HEPACAM2: variants seen among roughly 807,000 people sequenced by gnomAD.
HEPACAM2 encodes the protein HEPACAM family member 2, also known as mitotic kinetics regulator.
In HEPACAM2, 49 loss-of-function variants were observed where a neutral mutation model predicts 49.6. The observed-to-expected ratio is 0.99, with a 90% CI of 0.78 to 1.25. The LOEUF is 1.25. HEPACAM2 is among the 50% of genes most tolerant of loss of function. HEPACAM2 has a pLI of 0.00. For missense variants in HEPACAM2, 525 were observed against 557.2 expected (o/e 0.94, Z 0.58); for synonymous variants, 197 against 202.9 (o/e 0.97, Z 0.25).
chr7:93,199,563 A>T (rs752172164), intron 4 of HEPACAM2, among the ~76,000 whole-genome samples: 1 of 152,084 alleles, frequency 6.6e-6, no homozygotes, highest in Non-Finnish European at 1.5e-5. Flanking sequence ...TCACATTAGT[A>T]TAATGAGGAG....
chr7:93,208,419 A>G (rs2116681216), intron 4 of HEPACAM2, among the ~76,000 whole-genome samples, 161 bp downstream of exon 4: 1 of 152,096 alleles, frequency 6.6e-6, no homozygotes, highest in Non-Finnish European at 1.5e-5. Context: ...TCTTTGAGTC[A>G]TAGAAACCAT....
chr7:93,215,359 A>G, intron 3 of HEPACAM2, 42 bp downstream of exon 3: 1 of 1,564,608 alleles, frequency 6.4e-7, no homozygotes, highest in Non-Finnish European at 8.7e-7. Context: ...TTCTCAGAAA[A>G]CAACAAAAAA....
intron 3 of HEPACAM2, among the ~76,000 whole-genome samples, chr7:93,209,800 C>T (rs17708881): frequency 0.014 from 2,198 of 151,910 alleles, 28 homozygotes; most frequent in Non-Finnish European, 0.02. Flanking sequence ...CTAGGGTAGG[C>T]CATGTAAATA....
upstream of HEPACAM2, among the ~76,000 whole-genome samples, chr7:93,230,181 A>G (rs1794597932): frequency 1.3e-5 from 2 of 152,204 alleles, no homozygotes; most frequent in East Asian, 3.8e-4. Context: ...TACACATATT[A>G]GATAAAAAAA....
rs542170264 is a variant in HEPACAM2, at chr7:93,197,256, C to G, written c.1186G>C (p.Ala396Pro). ...EGRPETEYRK[A>P]QTFSGHEDAL... ...TGGCCATTACCTGAAAATGTTTGAG[C>G]TTTCCTGTATTCTGTTTCTGGCCTG... Residue 396 changes from alanine (A) to proline (P), a missense_variant, in exon 7 of 10, where the codon GCT (alanine) becomes CCT (proline). Ala to Pro is a conservative substitution (Grantham distance 27). Coordinates refer to ENST00000394468, the MANE Select transcript of HEPACAM2 (RefSeq NM_001039372.4). 6 of 1,610,188 alleles carry G rather than the reference C, an allele frequency of 3.7e-6. No homozygotes were observed. The African/African-American group carries it at 6.7e-5, about 18-fold the overall frequency.
chr7:93,215,427 C>T lies in HEPACAM2; in HGVS notation c.689G>A (p.Ser230Asn). Reference sequence around the variant, plus strand: ...ATATATGATGGGCATAATGATATCACTTTCCATTTCACTGACAGGGTTCCT... The same window carrying T: ...ATATATGATGGGCATAATGATATCATTTTCCATTTCACTGACAGGGTTCCT... ...LVRNPVSEME[S>N]DIIMPIIYYG... Residue 230 changes from serine to asparagine, a missense_variant, in exon 3 of 10, where the codon AGT becomes AAT. Coordinates refer to ENST00000394468, the MANE Select transcript of HEPACAM2 (RefSeq NM_001039372.4). 1 of 1,613,662 alleles carries T rather than the reference C, an allele frequency of 6.2e-7. No homozygotes were observed. Among genetic ancestry groups the T allele is most frequent in the Non-Finnish European group, 8.5e-7 (1 of 1,179,736 alleles).
intron 4 of HEPACAM2, among the ~76,000 whole-genome samples, chr7:93,202,044 A>AAAAAAAAAAAAAACCAAAAAAAAAAC (rs1793906221): frequency 6.8e-6 from 1 of 147,770 alleles, no homozygotes; most frequent in Non-Finnish European, 1.5e-5. Context: ...AAAAAAAAAA[A>AAAAAAAAAAAAAACCAAAAAAAAAAC]AAAAACCACA....
chr7:93,219,536 G>A, intron 1 of HEPACAM2, 85 bp from the exon 2 acceptor site: 1 of 1,575,274 alleles, frequency 6.3e-7, no homozygotes, highest in Non-Finnish European at 8.6e-7. Context: ...ACCTGATCAG[G>A]TGATAATCCT....
intron 7 of HEPACAM2, 83 bp downstream of exon 7, chr7:93,197,158 A>G: frequency 2.2e-6 from 2 of 899,402 alleles, no homozygotes; most frequent in Non-Finnish European, 3.0e-6. Context: ...TAATTATATT[A>G]CATTAATAAT....
rs1399823311 is a variant in HEPACAM2, at chr7:93,195,877, A to C, written c.1226T>G (p.Phe409Cys). The C allele has an allele frequency of 6.2e-7, 1 of 1,613,054 alleles. No individual in the cohort carries two copies. The highest frequency in any genetic ancestry group is 2.2e-5 in the East Asian group (1 of 44,806). The stretch of plus-strand genomic sequence containing the variant: ...AAAAGCAACAAATTCATATATTCCG[A>C]AGTCATCCAGAGCATCTTCATGGCC... ...FSGHEDALDD[F>C]GIYEFVAFPD... The change falls in exon 8 of 10, where the codon TTC (phenylalanine) becomes TGC (cysteine). Residue 409 changes from phenylalanine (F) to cysteine (C), a missense_variant. Phe to Cys is a radical substitution (Grantham distance 205). Coordinates refer to ENST00000394468, the MANE Select transcript of HEPACAM2 (RefSeq NM_001039372.4).
chr7:93,218,293 G>A (rs1009661366), intron 2 of HEPACAM2, among the ~76,000 whole-genome samples: 1 of 152,058 alleles, frequency 6.6e-6, no homozygotes, highest in Non-Finnish European at 1.5e-5. Context: ...AGAGTAGGTG[G>A]CAAAGCTATT....
At chr7:93,212,991 A>C (rs563336044) in intron 3 of HEPACAM2, among the ~76,000 whole-genome samples, 1 of 152,090 alleles carries the variant, frequency 6.6e-6, no homozygotes, top group Non-Finnish European at 1.5e-5. Flanking sequence ...ATGGCTGTTT[A>C]CTAAATGACT....
intron 8 of HEPACAM2, 127 bp downstream of exon 8, chr7:93,195,701 C>A (rs1283007051): frequency 5.6e-6 from 4 of 717,148 alleles, no homozygotes; most frequent in South Asian, 1.7e-5. Flanking sequence ...TAAGTCAACA[C>A]TGCTTAATGC....
At chr7:93,211,845 T>C (rs1337854513) in intron 3 of HEPACAM2, among the ~76,000 whole-genome samples, 3 of 152,024 alleles carry the variant, frequency 2.0e-5, no homozygotes, top group Non-Finnish European at 4.4e-5. Context: ...GCAGACTTGA[T>C]AAAGAAGAAA....
chr7:93,212,672 A>G (rs1427696648), intron 3 of HEPACAM2, among the ~76,000 whole-genome samples: 1 of 152,054 alleles, frequency 6.6e-6, no homozygotes, highest in African/African-American at 2.4e-5. Flanking sequence ...TCACACATGC[A>G]CACAAATTTA....
intron 9 of HEPACAM2, 51 bp downstream of exon 9, chr7:93,192,202 AG>A: frequency 7.4e-7 from 1 of 1,343,486 alleles, no homozygotes. Context: ...GGAAAGCAAA[AG>A]CTAAATGCTT....
At chr7:93,221,127 A>G (rs1794441128) in intron 1 of HEPACAM2, among the ~76,000 whole-genome samples, 1 of 152,090 alleles carries the variant, frequency 6.6e-6, no homozygotes, top group African/African-American at 2.4e-5. Flanking sequence ...TGAAATAAAG[A>G]GAGTTTTTTG....
Position 93,192,335 on chromosome 7 carries a change from T to A in HEPACAM2, c.1304A>T (p.Asp435Val), listed in dbSNP as rs553470958. ...GTGCAAATCTTGCCCCGATACACAA[T>A]CAGAGGCTGGAACAGACCTGCTTGG... Reference protein sequence around the residue: ...RIPSRSVPASDCVSGQDLHST... With the variant: ...RIPSRSVPASVCVSGQDLHST... Residue 435 changes from aspartate (D) to valine (V), a missense_variant, in exon 9 of 10, where the codon GAT becomes GTT. Physicochemically the swap from Asp to Val is radical, Grantham distance 152. Coordinates refer to ENST00000394468, the MANE Select transcript of HEPACAM2 (RefSeq NM_001039372.4). The A allele has an allele frequency of 7.4e-6, 12 of 1,612,590 alleles. No individual in the cohort carries two copies. The Admixed American group carries it at 2.0e-4, about 27-fold the overall frequency.
intron 3 of HEPACAM2, among the ~76,000 whole-genome samples, chr7:93,209,256 ATTTTTATATGCTGATTTAT>A (rs754071975): frequency 3.4e-4 from 52 of 151,918 alleles, no homozygotes; most frequent in Non-Finnish European, 1.3e-4. Context: ...TGACTAGCTT[ATTTTTATATGCTGATTTAT>A]TTTATTATTA....
Sources: gnomAD v4.1 joint callset for allele counts (sites outside exome capture counted in the v4.1 genomes callset) on GRCh38, gnomAD v4.1.1 for gene constraint, MANE v1.5 for transcripts, NCBI Gene and HGNC (gene_info 2026-07-23, HGNC 2026-07-21) for gene names.